Variants in ZBTB4 observed in about 807,000 individuals in gnomAD.
The protein encoded by ZBTB4 is zinc finger and BTB domain-containing protein 4.
Under a neutral mutation model 59.8 loss-of-function variants are expected in ZBTB4, and 14 were observed. That is an observed-to-expected ratio of 0.23 (90% confidence interval 0.15 to 0.37). The LOEUF is 0.37. ZBTB4 is among the 10% of genes least tolerant of loss of function. ZBTB4 has a pLI of 1.00. For synonymous variants in ZBTB4, 587 were observed against 575.2 expected (o/e 1.02, Z -0.29); for missense variants, 1,198 against 1,380.8 (o/e 0.87, Z 2.10).
At chr17:7,471,270 AC>A (rs2070194257) in intron 1 of ZBTB4, among the ~76,000 whole-genome samples, 1 of 151,904 alleles carries the variant, frequency 6.6e-6, no homozygotes, top group Admixed American at 6.6e-5. Flanking sequence ...TGCAGCCTGG[AC>A]CTCCTGGAAT....
intron 1 of ZBTB4, among the ~76,000 whole-genome samples, chr17:7,478,964 C>G (rs2070306383): frequency 6.6e-6 from 1 of 152,192 alleles, no homozygotes; most frequent in African/African-American, 2.4e-5. Flanking sequence ...CGCGGCGGTT[C>G]CGGGGCCCCA....
chr17:7,467,072 C>T lies in ZBTB4; in HGVS notation c.-10+185G>A, dbSNP rs1339376570. On this transcript the variant is annotated intron_variant, in intron 2 of 3. Coordinates refer to ENST00000380599, the MANE Select transcript of ZBTB4 (RefSeq NM_001128833.2). ...CATGGTGAAGGTCAAGGGGTCATGACCTCTGAAGTCACAGACTAGAGATGT... is the reference window on the plus strand; with the variant it reads ...CATGGTGAAGGTCAAGGGGTCATGATCTCTGAAGTCACAGACTAGAGATGT... 9.6e-6 allele frequency: 8 copies of T among 832,346 alleles called. No individual in the cohort carries two copies. The East Asian group carries it at 8.6e-4, about 90-fold the overall frequency. 51.6% of individuals were successfully genotyped at this position (832,346 alleles called of 1,614,324 possible).
chr17:7,478,117 T>C (rs1385348674), intron 1 of ZBTB4, among the ~76,000 whole-genome samples: 15 of 152,040 alleles, frequency 9.9e-5, no homozygotes, highest in Admixed American at 7.2e-4. Context: ...AGGCCCACAC[T>C]GCCCTTGTCA....
rs1415205321 is a variant in ZBTB4 at position 7,462,570 on chromosome 17, C to T, written c.2412G>A (p.Lys804=). 5 of 1,613,374 alleles carry T rather than the reference C, an allele frequency of 3.1e-6. No homozygotes were observed. In the African/African-American group the frequency reaches 6.7e-5, roughly 22 times the overall value. The change falls in exon 4 of 4, where the codon AAG becomes AAA. Residue 804 remains lysine, a synonymous_variant. Coordinates refer to ENST00000380599, the MANE Select transcript of ZBTB4 (RefSeq NM_001128833.2). The surrounding 1 kb of genome is among the most constrained non-coding windows in gnomAD (Gnocchi z 7.5). ...CCCCGGGCCTGGTGCCAGCGCTGCC[C>T]TTGGAATAGGCAATGACAGGGGTTG... The part of the protein sequence containing the change: ...GTPTPVIAYS[K]GSAGTRPGDV...
At chr17:7,464,910 AC>A (rs1040240015) in intron 3 of ZBTB4, among the ~76,000 whole-genome samples, 48 of 151,352 alleles carry the variant, frequency 3.2e-4, no homozygotes, top group African/African-American at 1.0e-3. Context: ...TAATCTCAGC[AC>A]TTTGGGAGGC....
upstream of ZBTB4, chr17:7,483,491 A>T (rs536780305): frequency 1.6e-4 from 35 of 222,996 alleles, 1 homozygote; most frequent in African/African-American, 6.9e-4. Flanking sequence ...GATTACTCTG[A>T]ATGTGGCTTG....
In ZBTB4 at chr17:7,463,526, C is replaced by A; in HGVS notation, c.1456G>T (p.Gly486Cys). The change falls in exon 4 of 4, where the codon GGC becomes TGC. Residue 486 changes from glycine (G) to cysteine (C), a missense_variant. Physicochemically the swap from Gly to Cys is radical, Grantham distance 159 (BLOSUM62 -3). Transcript: ENST00000380599. ...CTCCCCCCTCCACCACTGCTACTGC[C>A]CCCATGGACAATGACAGAGGGGGCT... ...HPAPSVIVHG[G>C]SSSGGGGSGT... 1 of 1,576,816 alleles carries A rather than the reference C, an allele frequency of 6.3e-7. No individual in the cohort carries two copies. The highest frequency in any genetic ancestry group is 8.6e-7 in the Non-Finnish European group (1 of 1,161,986).
intron 1 of ZBTB4, among the ~76,000 whole-genome samples, chr17:7,472,634 CTTTTTTTTT>C (rs71157290): frequency 4.1e-5 from 3 of 72,938 alleles, no homozygotes; most frequent in African/African-American, 5.9e-5. Flanking sequence ...CCTGGCCATT[CTTTTTTTTT>C]TTTTTTTTTT....
intron 1 of ZBTB4, among the ~76,000 whole-genome samples, chr17:7,470,697 A>T (rs2070186754): frequency 6.6e-6 from 1 of 152,196 alleles, no homozygotes; most frequent in South Asian, 2.1e-4. Context: ...ACTTCGTCTC[A>T]AAATAAATAA....
Position 7,466,916 on chromosome 17 carries a change from A to G in ZBTB4, c.-9-106T>C. ...GATCAGGAGCTGCTGGTCAGAAACT[A>G]GTGGAAGGCTGAATCACTTCTGGTC... On this transcript the variant is annotated intron_variant, in intron 2 of 3. Transcript: ENST00000380599. The surrounding 1 kb of genome is among the most constrained non-coding windows in gnomAD (Gnocchi z 9.1). 4 of 1,430,188 alleles carry G rather than the reference A, an allele frequency of 2.8e-6. No homozygotes were observed. Among genetic ancestry groups the G allele is most frequent in the Non-Finnish European group, 3.7e-6 (4 of 1,094,158 alleles). The allele number at this position is 1,430,188 out of a possible 1,614,324, so 88.6% of individuals were successfully genotyped here. A position where few individuals can be genotyped will look rare whatever the true frequency, so the allele number is the denominator to read the frequency against.
chr17:7,475,483 A>T (rs1302518805), intron 1 of ZBTB4, among the ~76,000 whole-genome samples: 1 of 151,918 alleles, frequency 6.6e-6, no homozygotes, highest in East Asian at 1.9e-4. Flanking sequence ...GTTTTATATT[A>T]TCCTGTTGCC....
upstream of ZBTB4, among the ~76,000 whole-genome samples, chr17:7,481,003 T>C (rs956669385): frequency 1.3e-5 from 2 of 151,070 alleles, no homozygotes; most frequent in Non-Finnish European, 3.0e-5. Context: ...CTACGAAAAA[T>C]AAAAAATTAG....
In ZBTB4 at chr17:7,466,583, G is replaced by A. The variant is rs146713904; in HGVS notation, c.219C>T (p.Gly73=). 4.1e-5 allele frequency: 66 copies of A among 1,613,050 alleles called. No individual in the cohort carries two copies. The highest frequency in any genetic ancestry group is 2.4e-4 in the African/African-American group (18 of 75,026). Residue 73 remains glycine (G), a synonymous_variant, in exon 3 of 4, where the codon GGC becomes GGT. Transcript: ENST00000380599. This position sits in a 1 kb window ranked among gnomAD's most constrained non-coding sequence, Gnocchi z 9.1. ...TGGTGGTGGCAGGGTTGGGTGCGGC[G>A]CCCCCAGTAGCTGGTGGAAGGGGTA... ...APLPLPPATG[G]AAPNPATTTA... is the part of the protein sequence containing the mutation.
In ZBTB4 at chr17:7,464,837, T is replaced by TA. The variant is rs1171627240; in HGVS notation, c.1091+873dup. On this transcript the variant is annotated intron_variant, in intron 3 of 3. Coordinates refer to ENST00000380599, the MANE Select transcript of ZBTB4 (RefSeq NM_001128833.2). ...TGGGGGACAGAGCGAGACTCGGTCTTAAAAAAAAAAAATGCCGTCTTAAAA... is the reference window on the plus strand; with the variant it reads ...TGGGGGACAGAGCGAGACTCGGTCTTAAAAAAAAAAAAATGCCGTCTTAAAA... Among the ~76,000 whole-genome samples, 632 of 96,260 alleles carry TA rather than the reference T, an allele frequency of 6.6e-3. 7 individuals carry two copies. Among genetic ancestry groups the TA allele is most frequent in the African/African-American group, 0.023 (572 of 24,846 alleles). 63.2% of individuals were successfully genotyped at this position (96,260 alleles called of 152,430 possible).
chr17:7,481,538 G>A (rs2070345449), upstream of ZBTB4: 1 of 1,537,860 alleles, frequency 6.5e-7, no homozygotes, highest in Non-Finnish European at 8.8e-7. Flanking sequence ...GGGGGCCAGG[G>A]GCCTAGTACT....
chr17:7,467,016 G>A (rs958218502), intron 2 of ZBTB4, among the ~76,000 whole-genome samples: 2 of 152,188 alleles, frequency 1.3e-5, no homozygotes, highest in African/African-American at 4.8e-5. Flanking sequence ...ACTCACTTCT[G>A]AGGCTGGAAG....
At chr17:7,484,073 C>G (rs916911715), upstream of ZBTB4, 5 of 152,222 alleles carry the variant, frequency 3.3e-5, no homozygotes, top group Non-Finnish European at 7.3e-5. Flanking sequence ...GAAGATGAAA[C>G]CGTTGTCCAA....
chr17:7,481,699 C>A (rs139622100), upstream of ZBTB4, among the ~76,000 whole-genome samples: 48 of 152,300 alleles, frequency 3.2e-4, no homozygotes, highest in African/African-American at 1.2e-3. Context: ...GAGGCTTCCT[C>A]CCCTTCCTCA....
At chr17:7,481,449 A>G, upstream of ZBTB4, 3 of 1,414,138 alleles carry the variant, frequency 2.1e-6, no homozygotes, top group Non-Finnish European at 2.8e-6. Flanking sequence ...CAACCATGTC[A>G]CAATGGCTGG....
Sources: gnomAD v4.1 joint callset for allele counts (sites outside exome capture counted in the v4.1 genomes callset) on GRCh38, gnomAD v4.1.1 for gene constraint, Gnocchi (gnomAD v3.1) non-coding constraint, MANE v1.5 for transcripts, NCBI Gene and HGNC (gene_info 2026-07-23, HGNC 2026-07-21) for gene names.